NKAIN3: variants seen among roughly 807,000 people sequenced by gnomAD.
NKAIN3 encodes the protein sodium/potassium transporting ATPase interacting 3.
A neutral mutation model predicts 30.2 loss-of-function variants in NKAIN3; 25 were observed. The observed-to-expected ratio is 0.83, with a 90% CI of 0.60 to 1.16. The LOEUF (loss-of-function observed/expected upper bound fraction) is 1.16. NKAIN3 is among the 50% of genes most tolerant of loss of function. The pLI is 0.00. For synonymous variants in NKAIN3, 91 were observed against 89.6 expected (o/e 1.02, Z -0.09); for missense variants, 225 against 254.1 (o/e 0.89, Z 0.78).
chr8:62,588,333 C>T (rs1166887114), intron 2 of NKAIN3, among the ~76,000 whole-genome samples: 2 of 151,800 alleles, frequency 1.3e-5, no homozygotes, highest in Non-Finnish European at 2.9e-5. Flanking sequence ...TATATTTTTA[C>T]TTATCTTAAC....
rs1237100229 is a variant in NKAIN3, at chr8:62,867,156, G to A, written c.472-51297G>A. ...AGTAACCATAGGGTCTCTATTTTTC[G>A]TATTCAAGAAGCAGTCAGAACACCC... On this transcript the variant is annotated intron_variant, in intron 4 of 6. Transcript: ENST00000623646. Among the ~76,000 whole-genome samples, 14 of 148,992 alleles carry A rather than the reference G, an allele frequency of 9.4e-5. No individual in the cohort carries two copies. The South Asian group carries it at 1.7e-3, about 18-fold the overall frequency.
chr8:62,867,552 C>T (rs1820466130), intron 4 of NKAIN3, among the ~76,000 whole-genome samples: 1 of 152,160 alleles, frequency 6.6e-6, no homozygotes, highest in Non-Finnish European at 1.5e-5. Context: ...TCTGTCATAG[C>T]TCAAAAGACT....
intron 4 of NKAIN3, among the ~76,000 whole-genome samples, chr8:62,847,898 G>A (rs934066634): frequency 6.6e-6 from 1 of 152,076 alleles, no homozygotes; most frequent in African/African-American, 2.4e-5. Flanking sequence ...TCTGCATATG[G>A]CTAACCAGTT....
chr8:62,314,532 A>T (rs550955415), intron 1 of NKAIN3, among the ~76,000 whole-genome samples: 6 of 152,290 alleles, frequency 3.9e-5, no homozygotes, highest in Non-Finnish European at 7.3e-5. Flanking sequence ...CAGGAAGCTG[A>T]TCTTTCCTTG....
At chr8:62,390,321 T>G (rs190020633) in intron 1 of NKAIN3, among the ~76,000 whole-genome samples, 30 of 152,304 alleles carry the variant, frequency 2.0e-4, no homozygotes, top group Admixed American at 2.0e-3. Context: ...CCTGCATTAA[T>G]TTGCTAAGGA....
intron 1 of NKAIN3, among the ~76,000 whole-genome samples, chr8:62,321,925 A>C (rs1814932291): frequency 6.6e-6 from 1 of 152,134 alleles, no homozygotes; most frequent in Non-Finnish European, 1.5e-5. Context: ...CTGCCCCCAG[A>C]GGTGGAGTCT....
chr8:62,825,770 A>T (rs903122695), intron 4 of NKAIN3, among the ~76,000 whole-genome samples: 2 of 152,150 alleles, frequency 1.3e-5, no homozygotes, highest in African/African-American at 4.8e-5. Flanking sequence ...TAGAAATTGT[A>T]TTATAAAGTA....
intron 3 of NKAIN3, among the ~76,000 whole-genome samples, chr8:62,623,012 G>A (rs1248441159): frequency 1.3e-5 from 2 of 152,014 alleles, no homozygotes; most frequent in Non-Finnish European, 2.9e-5. Flanking sequence ...TGTGTGTGGT[G>A]TGTGTGTGAG....
intron 1 of NKAIN3, among the ~76,000 whole-genome samples, chr8:62,378,352 A>G (rs946387419): frequency 3.9e-5 from 6 of 152,226 alleles, no homozygotes; most frequent in Admixed American, 1.3e-4. Flanking sequence ...AGAAAAGACA[A>G]ACCCATTTTC....
At chr8:62,929,454 A>G (rs748705013) in intron 5 of NKAIN3, among the ~76,000 whole-genome samples, 23 of 152,334 alleles carry the variant, frequency 1.5e-4, no homozygotes, top group Non-Finnish European at 2.6e-4. Context: ...AAAGTAAATT[A>G]AATCTGTTTC....
intron 3 of NKAIN3, among the ~76,000 whole-genome samples, chr8:62,646,951 C>T (rs1812478918): frequency 6.6e-6 from 1 of 152,108 alleles, no homozygotes; most frequent in Non-Finnish European, 1.5e-5. Flanking sequence ...CAGCTCCCAG[C>T]ACAAAGGCCC....
chr8:62,342,348 C>G (rs1815778579), intron 1 of NKAIN3, among the ~76,000 whole-genome samples: 1 of 151,844 alleles, frequency 6.6e-6, no homozygotes, highest in South Asian at 2.1e-4. Context: ...TATTGGCACT[C>G]AGAGCTGTGC....
intron 1 of NKAIN3, among the ~76,000 whole-genome samples, chr8:62,305,478 A>T (rs1346080869): frequency 6.6e-6 from 1 of 150,680 alleles, no homozygotes; most frequent in Non-Finnish European, 1.5e-5. Flanking sequence ...CACATGGACC[A>T]ATATACTTCA....
downstream of NKAIN3, among the ~76,000 whole-genome samples, chr8:62,986,331 T>C (rs962635670): frequency 1.3e-5 from 2 of 152,202 alleles, no homozygotes; most frequent in African/African-American, 4.8e-5. Context: ...CAAGTGGATG[T>C]TGCTAGCAGA....
At chr8:62,804,878 A>G (rs1818213341) in intron 4 of NKAIN3, among the ~76,000 whole-genome samples, 1 of 152,230 alleles carries the variant, frequency 6.6e-6, no homozygotes, top group Non-Finnish European at 1.5e-5. Flanking sequence ...TTTGCAGAGG[A>G]CATGATTGTA....
chr8:62,276,656 TTATC>T (rs1812973929), intron 1 of NKAIN3, among the ~76,000 whole-genome samples: 1 of 152,220 alleles, frequency 6.6e-6, no homozygotes, highest in South Asian at 2.1e-4. Context: ...ATTTATTAAT[TTATC>T]TATCTTTTTC....
chr8:62,370,667 A>G (rs1039526952), intron 1 of NKAIN3, among the ~76,000 whole-genome samples: 1 of 152,030 alleles, frequency 6.6e-6, no homozygotes, highest in African/African-American at 2.4e-5. Context: ...AGGAATTTTT[A>G]TCAAGAATGA....
At chr8:62,370,360 C>T (rs1453602340) in intron 1 of NKAIN3, among the ~76,000 whole-genome samples, 5 of 151,994 alleles carry the variant, frequency 3.3e-5, no homozygotes, top group South Asian at 2.1e-4. Flanking sequence ...GCCAGTCCTA[C>T]GCGAAATGTA....
intron 1 of NKAIN3, among the ~76,000 whole-genome samples, chr8:62,536,893 A>G (rs994718563): frequency 2.6e-5 from 4 of 152,078 alleles, no homozygotes; most frequent in Non-Finnish European, 5.9e-5. Flanking sequence ...ATGGGGAGAG[A>G]ATAATGATCT....
Sources: gnomAD v4.1 joint callset for allele counts (sites outside exome capture counted in the v4.1 genomes callset) on GRCh38, gnomAD v4.1.1 for gene constraint, MANE v1.5 for transcripts, NCBI Gene and HGNC (gene_info 2026-07-23, HGNC 2026-07-21) for gene names.